The following RAB27A variants were observed in gnomAD, a reference collection of about 807,000 sequenced individuals.
RAB27A encodes the protein ras-related protein Rab-27A.
Under a neutral mutation model 20.8 loss-of-function variants are expected in RAB27A, and 17 were observed. The ratio of observed to expected loss-of-function variants is 0.82; its 90% CI spans 0.56 to 1.23. The LOEUF (loss-of-function observed/expected upper bound fraction) is 1.23, where lower values mean the gene tolerates loss of function less well. Among genes scored for constraint, RAB27A ranks in the 50% most tolerant of loss-of-function variants. RAB27A has a pLI of 0.00. For synonymous variants in RAB27A, 85 were observed against 92.8 expected (o/e 0.92, Z 0.48); for missense variants, 277 against 266.7 (o/e 1.04, Z -0.27).
intron 2 of RAB27A, among the ~76,000 whole-genome samples, chr15:55,247,744 A>G (rs911426112): frequency 2.6e-5 from 4 of 152,152 alleles, no homozygotes; most frequent in Admixed American, 6.6e-5. Context: ...AATAAAAACA[A>G]TTAGACAAAC....
At chr15:55,206,504 G>T (rs1042403272) in intron 6 of RAB27A, among the ~76,000 whole-genome samples, 1 of 151,928 alleles carries the variant, frequency 6.6e-6, no homozygotes, top group Non-Finnish European at 1.5e-5. Flanking sequence ...ACCACACCTG[G>T]CTAATTATTG....
chr15:55,308,125 G>A (rs1229736394), intron 2 of RAB27A, among the ~76,000 whole-genome samples: 1 of 152,128 alleles, frequency 6.6e-6, no homozygotes, highest in Non-Finnish European at 1.5e-5. Context: ...CATTTCTAAT[G>A]GAGGGTCCTG....
chr15:55,294,655 T>A (rs924588473), upstream of RAB27A, among the ~76,000 whole-genome samples: 2 of 118,468 alleles, frequency 1.7e-5, no homozygotes, highest in Non-Finnish European at 3.6e-5. Context: ...ATACCATATA[T>A]AAAATTACAT....
intron 6 of RAB27A, among the ~76,000 whole-genome samples, chr15:55,209,788 G>A (rs990829949): frequency 1.2e-4 from 10 of 81,286 alleles, no homozygotes; most frequent in African/African-American, 5.5e-4. Flanking sequence ...ACACACATAT[G>A]TGTGTATGTA....
At chr15:55,209,205 A>T (rs1894799832) in intron 6 of RAB27A, among the ~76,000 whole-genome samples, 1 of 152,070 alleles carries the variant, frequency 6.6e-6, no homozygotes, top group Non-Finnish European at 1.5e-5. Flanking sequence ...AACTATAGTC[A>T]CCCTACTGAT....
upstream of RAB27A, among the ~76,000 whole-genome samples, chr15:55,292,134 G>A (rs2054924848): frequency 6.6e-6 from 1 of 152,154 alleles, no homozygotes; most frequent in Admixed American, 6.5e-5. Context: ...AGAAATAACA[G>A]AGGCTGTGCG....
intron 3 of RAB27A, among the ~76,000 whole-genome samples, chr15:55,233,754 T>C (rs1595698791): frequency 6.6e-6 from 1 of 152,208 alleles, no homozygotes; most frequent in African/African-American, 2.4e-5. Context: ...ACTCCGAATA[T>C]ATTAAAAACC....
In RAB27A at chr15:55,209,947, CACAT is replaced by C. The variant is rs1894889338; in HGVS notation, c.468-4246_468-4243del. On this transcript the variant is annotated intron_variant, in intron 6 of 6. Transcript: ENST00000336787. ...ACACATATATGTATGTACATGTACA[CACAT>C]ACGCATATATGTGCGTATGTGTGTA... Among the ~76,000 whole-genome samples the C allele has an allele frequency of 3.2e-5, 3 of 92,410 alleles. 1 individual carries two copies. Among genetic ancestry groups the C allele is most frequent in the African/African-American group, 1.1e-4 (2 of 18,494 alleles). 60.6% of individuals were successfully genotyped at this position (92,410 alleles called of 152,430 possible).
intron 2 of RAB27A, among the ~76,000 whole-genome samples, chr15:55,263,719 T>C (rs1029170196): frequency 1.3e-5 from 2 of 152,242 alleles, no homozygotes; most frequent in African/African-American, 4.8e-5. Flanking sequence ...CCCAAATTTC[T>C]GAATTCTAGC....
intron 2 of RAB27A, chr15:55,259,916 C>T (rs1032209663): frequency 1.3e-5 from 2 of 152,178 alleles, no homozygotes; most frequent in Non-Finnish European, 2.9e-5. Flanking sequence ...ACGACTGGTA[C>T]CCACCTTACC....
At chr15:55,251,803 T>C (rs1467257532) in intron 2 of RAB27A, among the ~76,000 whole-genome samples, 1 of 152,214 alleles carries the variant, frequency 6.6e-6, no homozygotes, top group African/African-American at 2.4e-5. Context: ...TTTCTTTCTA[T>C]GAATTCAGAA....
chr15:55,312,306 T>C (rs1291421178), intron 2 of RAB27A, among the ~76,000 whole-genome samples: 2 of 152,102 alleles, frequency 1.3e-5, no homozygotes, highest in South Asian at 4.1e-4. Context: ...ACCAGAAGAC[T>C]GCAGAAGCAA....
chr15:55,204,536 A>G lies in RAB27A; in HGVS notation c.*971T>C, dbSNP rs1045327848. On this transcript the variant is annotated 3_prime_UTR_variant, in exon 7 of 7. Transcript: ENST00000336787. ...GCAAAACAAGTTGCAAATATCAACA[A>G]TACAGAGCCTGCTGGTAAAGATAGA... The G allele has an allele frequency of 1.3e-5, 2 of 152,260 alleles. No individual in the cohort carries two copies. Among genetic ancestry groups the G allele is most frequent in the Non-Finnish European group, 2.9e-5 (2 of 68,036 alleles). The allele number at this position is 152,260 out of a possible 1,614,324, so 9.4% of individuals were successfully genotyped here.
At chr15:55,224,893 G>A (rs1057479788) in intron 5 of RAB27A, among the ~76,000 whole-genome samples, 11 of 152,144 alleles carry the variant, frequency 7.2e-5, no homozygotes, top group African/African-American at 2.4e-4. Context: ...TTATGAAGTA[G>A]TGTTCATCAT....
chr15:55,313,870 G>C (rs1183733163), intron 2 of RAB27A: 1 of 152,306 alleles, frequency 6.6e-6, no homozygotes, highest in African/African-American at 2.4e-5. Flanking sequence ...CTACTCAGGA[G>C]GCTGAGGCAG....
intron 6 of RAB27A, among the ~76,000 whole-genome samples, chr15:55,219,008 C>G (rs1895443291): frequency 6.6e-6 from 1 of 151,990 alleles, no homozygotes; most frequent in Admixed American, 6.6e-5. Context: ...TCCCAAAGTG[C>G]TGGGATTACA....
chr15:55,233,054 G>A (rs1896098154), intron 3 of RAB27A, among the ~76,000 whole-genome samples: 1 of 152,136 alleles, frequency 6.6e-6, no homozygotes, highest in Non-Finnish European at 1.5e-5. Context: ...GAACCTGGGA[G>A]ACAGAGGTTG....
intron 6 of RAB27A, among the ~76,000 whole-genome samples, chr15:55,223,044 G>A (rs1265319039): frequency 2.6e-5 from 4 of 152,038 alleles, no homozygotes; most frequent in Non-Finnish European, 4.4e-5. Flanking sequence ...CAAGGAGAAC[G>A]ACAGTATTTT....
At chr15:55,226,021 G>A (rs943489203) in intron 5 of RAB27A, among the ~76,000 whole-genome samples, 4 of 152,190 alleles carry the variant, frequency 2.6e-5, no homozygotes, top group African/African-American at 9.7e-5. Context: ...TTTTCAGACA[G>A]AGAGAATAAT....
Sources: allele counts gnomAD v4.1 joint callset (sites outside exome capture counted in the v4.1 genomes callset), GRCh38; gene constraint gnomAD v4.1.1; transcripts MANE v1.5; gene names NCBI Gene and HGNC (gene_info 2026-07-23, HGNC 2026-07-21).